Variants in INTS4 observed in about 807,000 individuals in gnomAD.
INTS4 encodes MSTP093.
A neutral mutation model predicts 119.5 loss-of-function variants in INTS4; 70 were observed. The observed-to-expected ratio is 0.59, with a 90% confidence interval of 0.48 to 0.71. The LOEUF (loss-of-function observed/expected upper bound fraction) is 0.71. Among genes scored for constraint, INTS4 ranks in the 30% least tolerant of loss-of-function variants. The pLI, the probability that INTS4 is intolerant of heterozygous loss-of-function variation, is 0.00. For missense variants in INTS4, 867 were observed against 1,173.2 expected, an observed-to-expected ratio of 0.74 and a Z score of 3.81; for synonymous variants, 316 against 419.6, an observed-to-expected ratio of 0.75 and a Z score of 3.02.
At chr11:77,945,140 C>T (rs1372318817) in intron 8 of INTS4, among the ~76,000 whole-genome samples, 1 of 152,230 alleles carries the variant, frequency 6.6e-6, no homozygotes, top group Non-Finnish European at 1.5e-5. Context: ...GCCACACTGT[C>T]TCCCTTGCCA....
intron 8 of INTS4, among the ~76,000 whole-genome samples, chr11:77,947,622 A>C (rs536127526): frequency 6.6e-6 from 1 of 152,348 alleles, no homozygotes; most frequent in South Asian, 2.1e-4. Context: ...CCAGTGATAC[A>C]ATATGTCATA....
Position 77,924,826 on chromosome 11 carries a change from C to T in INTS4, c.1438G>A (p.Glu480Lys). Residue 480 changes from glutamate to lysine, a missense_variant, in exon 12 of 23, where the codon GAA (glutamate) becomes AAA (lysine). This residue lies in a region of INTS4 where 51 missense variants were observed against 125.5 expected (regional missense o/e 0.41). Coordinates refer to ENST00000534064, the MANE Select transcript of INTS4 (RefSeq NM_033547.4). Reference protein sequence around the residue: ...LLCCTNVSTKEGIHLALVELL... With the variant: ...LLCCTNVSTKKGIHLALVELL... ...TCCACCAATGCAAGATGAATCCCTT[C>T]TTTGGTTGAAACATTAGTACAGCAT... The T allele has an allele frequency of 3.8e-6, 6 of 1,593,454 alleles. No individual in the cohort carries two copies. The highest frequency in any genetic ancestry group is 5.2e-6 in the Non-Finnish European group (6 of 1,161,158).
chr11:77,933,735 T>G lies in INTS4; in HGVS notation c.1165+4916A>C, dbSNP rs537715253. Among the ~76,000 whole-genome samples the G allele has an allele frequency of 3.3e-5, 5 of 149,450 alleles. No homozygotes were observed. The South Asian group carries it at 8.5e-4, about 25-fold the overall frequency. On this transcript the variant is annotated intron_variant, in intron 10 of 22. Transcript: ENST00000534064. The stretch of plus-strand genomic sequence containing the variant: ...CTGCCCTGCCGCCCCCTATGAGAAG[T>G]GAAGAGCCCCTCCGCCCAGCAGCCG...
intron 18 of INTS4, among the ~76,000 whole-genome samples, chr11:77,897,561 T>C (rs750563452): frequency 2.0e-4 from 30 of 151,380 alleles, no homozygotes; most frequent in South Asian, 1.0e-3. Flanking sequence ...AGTGCAGTGG[T>C]GGGATCTCAG....
intron 4 of INTS4, among the ~76,000 whole-genome samples, chr11:77,968,311 G>A (rs1232865096): frequency 6.6e-6 from 1 of 152,142 alleles, no homozygotes. Flanking sequence ...TTATTCAGCT[G>A]TAAAAAGGAA....
chr11:77,968,762 T>G (rs976067148), intron 4 of INTS4, among the ~76,000 whole-genome samples: 1 of 152,154 alleles, frequency 6.6e-6, no homozygotes, highest in Non-Finnish European at 1.5e-5. Context: ...AAACATGTAT[T>G]AAGCAAAAAT....
intron 7 of INTS4, among the ~76,000 whole-genome samples, chr11:77,957,082 A>G (rs538055263): frequency 1.3e-5 from 2 of 152,136 alleles, no homozygotes; most frequent in Non-Finnish European, 2.9e-5. Context: ...CTACAAAAGC[A>G]TGCCACCACA....
chr11:77,911,510 T>C (rs1953087948), intron 15 of INTS4, among the ~76,000 whole-genome samples: 2 of 152,212 alleles, frequency 1.3e-5, no homozygotes, highest in Non-Finnish European at 2.9e-5. Context: ...TGATTCCAAA[T>C]GTTACTTTAT....
At position 77,977,276 on chromosome 11, in the gene INTS4, A is replaced by G. The variant is rs1435064321; in HGVS notation, c.471+1720T>C. On this transcript the variant is annotated intron_variant, in intron 4 of 22. Coordinates refer to ENST00000534064, the MANE Select transcript of INTS4 (RefSeq NM_033547.4). ...AAATGGCTACAATGTAAATTCAGTAATAGGTGAATAGTTAGGTAAAAAGTA... is the reference window on the plus strand; with the variant it reads ...AAATGGCTACAATGTAAATTCAGTAGTAGGTGAATAGTTAGGTAAAAAGTA... 2.6e-5 allele frequency among the ~76,000 whole-genome samples: 4 copies of G among 152,120 alleles called. No homozygotes were observed. In the East Asian group the frequency reaches 7.7e-4, roughly 29 times the overall value.
At chr11:77,875,265 CACAG>C (rs754573481), downstream of INTS4, among the ~76,000 whole-genome samples, 11 of 152,276 alleles carry the variant, frequency 7.2e-5, no homozygotes, top group South Asian at 1.7e-3. Flanking sequence ...GGGCATACAG[CACAG>C]ACATTCTTAC....
intron 10 of INTS4, among the ~76,000 whole-genome samples, 159 bp downstream of exon 10, chr11:77,938,492 G>A (rs1471803461): frequency 6.6e-6 from 1 of 152,124 alleles, no homozygotes; most frequent in African/African-American, 2.4e-5. Context: ...TACTACTGGG[G>A]CCTCAGTCTC....
chr11:77,953,011 A>G (rs1852721438), intron 8 of INTS4, among the ~76,000 whole-genome samples: 1 of 152,268 alleles, frequency 6.6e-6, no homozygotes, highest in Non-Finnish European at 1.5e-5. Flanking sequence ...GTTTTAAAAT[A>G]TGAATTCAGA....
intron 2 of INTS4, among the ~76,000 whole-genome samples, chr11:77,986,712 TC>T (rs1335066400): frequency 1.3e-5 from 2 of 152,048 alleles, no homozygotes. Context: ...CTGAAAACCA[TC>T]CTTCTCAGCA....
At chr11:77,975,793 T>C (rs1486157456) in intron 4 of INTS4, among the ~76,000 whole-genome samples, 1 of 151,848 alleles carries the variant, frequency 6.6e-6, no homozygotes, top group South Asian at 2.1e-4. Context: ...CCGTCTCTAC[T>C]AAAAATACAA....
At chr11:77,919,006 T>G in intron 14 of INTS4, 28 bp from the exon 15 acceptor site, 1 of 1,612,786 alleles carries the variant, frequency 6.2e-7, no homozygotes, top group Non-Finnish European at 8.5e-7. Flanking sequence ...ACAGAGTCAT[T>G]AAGTTTGGTG....
intron 8 of INTS4, among the ~76,000 whole-genome samples, chr11:77,942,832 A>G (rs1332612617): frequency 6.6e-6 from 1 of 152,198 alleles, no homozygotes; most frequent in Non-Finnish European, 1.5e-5. Context: ...CTTTTCTCTA[A>G]TCAAATTTTT....
chr11:77,933,918 C>T (rs560937847), intron 10 of INTS4, among the ~76,000 whole-genome samples: 2 of 152,182 alleles, frequency 1.3e-5, no homozygotes, highest in East Asian at 3.9e-4. Flanking sequence ...TGAGAGCGGG[C>T]CATGATGACA....
intron 8 of INTS4, 78 bp from the exon 9 acceptor site, chr11:77,941,329 C>T: frequency 1.3e-6 from 2 of 1,522,474 alleles, no homozygotes; most frequent in Non-Finnish European, 8.9e-7. Context: ...AGTCTATAGA[C>T]AATTTAAGTG....
chr11:77,975,299 T>C (rs1331535857), intron 4 of INTS4, among the ~76,000 whole-genome samples: 1 of 152,186 alleles, frequency 6.6e-6, no homozygotes, highest in Admixed American at 6.5e-5. Flanking sequence ...TCAAAGTATT[T>C]TCTAATTTCC....
Sources: gnomAD v4.1 joint callset for allele counts (sites outside exome capture counted in the v4.1 genomes callset) on GRCh38, gnomAD v4.1.1 for gene constraint, gnomAD v4.1.1 regional missense constraint, MANE v1.5 for transcripts, NCBI Gene and HGNC (gene_info 2026-07-23, HGNC 2026-07-21) for gene names.